The following KSR2 variants were observed in gnomAD, a reference collection of about 807,000 sequenced individuals.
KSR2 encodes the protein kinase suppressor of ras 2.
KSR2 carries 25 observed loss-of-function variants against 107.8 expected under a neutral mutation model. The ratio of observed to expected loss-of-function variants is 0.23; its 90% confidence interval spans 0.17 to 0.32. KSR2 has a LOEUF of 0.32. Ranked by LOEUF, KSR2 falls within the 10% of genes least tolerant of loss-of-function variation. The pLI, the probability that KSR2 is intolerant of heterozygous loss-of-function variation, is 1.00. For synonymous variants in KSR2, 480 were observed against 507.0 expected (o/e 0.95, Z 0.71); for missense variants, 887 against 1,268.9 (o/e 0.70, Z 4.57).
At chr12:117,476,396 T>C in intron 17 of KSR2, 68 bp downstream of exon 17, 1 of 1,480,298 alleles carries the variant, frequency 6.8e-7, no homozygotes, top group Non-Finnish European at 9.0e-7. Context: ...CCAAAAGCAC[T>C]GAAAGACTTG....
rs946287915 is a variant in KSR2 at position 117,814,942 on chromosome 12, TA to T, written c.472+40485del. On this transcript the variant is annotated intron_variant, in intron 3 of 19. Transcript: ENST00000339824. The stretch of plus-strand genomic sequence containing the variant: ...TAAGTAAAGAGTTCTTATAAATCAA[TA>T]AAAAAACAAACAATCCAGTGCCAAA... Among the ~76,000 whole-genome samples the T allele has an allele frequency of 3.3e-5, 5 of 152,038 alleles. No individual in the cohort carries two copies. The East Asian group carries it at 9.7e-4, about 29-fold the overall frequency.
intron 4 of KSR2, chr12:117,677,324 A>G (rs998206816): frequency 1.3e-5 from 2 of 152,094 alleles, no homozygotes; most frequent in African/African-American, 4.8e-5. Context: ...CTTAAATGAC[A>G]TCATAAGGGA....
At chr12:117,535,547 C>A (rs974161975) in intron 10 of KSR2, among the ~76,000 whole-genome samples, 1 of 151,856 alleles carries the variant, frequency 6.6e-6, no homozygotes, top group Non-Finnish European at 1.5e-5. Flanking sequence ...CCACCAAAGG[C>A]AGATTCCACC....
At chr12:117,840,307 A>G (rs1205946618) in intron 3 of KSR2, among the ~76,000 whole-genome samples, 2 of 152,144 alleles carry the variant, frequency 1.3e-5, no homozygotes, top group African/African-American at 4.8e-5. Flanking sequence ...CATGTTGGCC[A>G]GGCTGTTCTT....
At chr12:117,558,628 T>C (rs1877874476) in intron 7 of KSR2, 55 bp from the exon 8 acceptor site, 2 of 1,393,628 alleles carry the variant, frequency 1.4e-6, no homozygotes, top group African/African-American at 1.4e-5. Context: ...AGTGAGCGGG[T>C]AGGTGGGTGG....
At chr12:117,580,819 C>A (rs1309388679) in intron 6 of KSR2, among the ~76,000 whole-genome samples, 1 of 152,138 alleles carries the variant, frequency 6.6e-6, no homozygotes, top group Non-Finnish European at 1.5e-5. Context: ...CATGGCCAAT[C>A]CAGGGGCCGA....
At chr12:117,878,898 A>G (rs1893949257) in intron 1 of KSR2, among the ~76,000 whole-genome samples, 1 of 152,230 alleles carries the variant, frequency 6.6e-6, no homozygotes, top group Non-Finnish European at 1.5e-5. Flanking sequence ...TGGAATTAAC[A>G]AAAGTTACAT....
chr12:117,680,327 A>C (rs1445361216), intron 4 of KSR2, among the ~76,000 whole-genome samples: 1 of 152,226 alleles, frequency 6.6e-6, no homozygotes, highest in Non-Finnish European at 1.5e-5. Context: ...AAAGCAAGAT[A>C]AAATTGAATA....
At chr12:117,624,019 A>G (rs1238851952) in intron 5 of KSR2, among the ~76,000 whole-genome samples, 1 of 152,166 alleles carries the variant, frequency 6.6e-6, no homozygotes, top group Admixed American at 6.5e-5. Flanking sequence ...TTGGTTGCAT[A>G]GATGTCTTCT....
chr12:117,481,101 C>G (rs913367290), intron 16 of KSR2, among the ~76,000 whole-genome samples: 1 of 152,070 alleles, frequency 6.6e-6, no homozygotes, highest in Non-Finnish European at 1.5e-5. Context: ...GCTAAAATAT[C>G]CTTCCACATC....
chr12:117,892,803 A>C (rs1428604649), intron 1 of KSR2, among the ~76,000 whole-genome samples: 1 of 151,904 alleles, frequency 6.6e-6, no homozygotes, highest in Non-Finnish European at 1.5e-5. Context: ...AAAAAAAAAA[A>C]AAAAAAAAAT....
At chr12:117,932,973 A>G (rs1472363511) in intron 1 of KSR2, among the ~76,000 whole-genome samples, 1 of 152,178 alleles carries the variant, frequency 6.6e-6, no homozygotes, top group Non-Finnish European at 1.5e-5. Flanking sequence ...AGATAGTGCC[A>G]TCGCACTCCA....
Position 117,589,111 on chromosome 12 carries a change from T to C in KSR2, c.1172-6752A>G, listed in dbSNP as rs146320694. ...TTTCCTATAAAATTAAAGCCTTCTATCCAGCTCCATACCATGTCCCCTTCT... is the reference window on the plus strand; with the variant it reads ...TTTCCTATAAAATTAAAGCCTTCTACCCAGCTCCATACCATGTCCCCTTCT... On this transcript the variant is annotated intron_variant, in intron 5 of 19. Transcript: ENST00000339824. Among the ~76,000 whole-genome samples, 356 of 152,318 alleles carry C rather than the reference T, an allele frequency of 2.3e-3. 5 individuals carry two copies. The highest frequency in any genetic ancestry group is 8.2e-3 in the African/African-American group (342 of 41,564).
chr12:117,867,535 T>C (rs1893515957), intron 1 of KSR2, among the ~76,000 whole-genome samples: 1 of 152,218 alleles, frequency 6.6e-6, no homozygotes, highest in South Asian at 2.1e-4. Context: ...TCAATGACGC[T>C]GGCCATGTGA....
intron 3 of KSR2, among the ~76,000 whole-genome samples, chr12:117,802,969 A>T (rs1390307565): frequency 2.6e-5 from 4 of 152,230 alleles, no homozygotes; most frequent in Admixed American, 6.5e-5. Flanking sequence ...TGATAATTGC[A>T]TTCTGAAGCT....
intron 14 of KSR2, among the ~76,000 whole-genome samples, chr12:117,492,820 GAAGGACTC>G: frequency 6.6e-6 from 1 of 152,134 alleles, no homozygotes; most frequent in Non-Finnish European, 1.5e-5. Context: ...TGATGGGGGA[GAAGGACTC>G]AACCCACCAT....
chr12:117,614,741 C>T (rs575272834), intron 5 of KSR2, among the ~76,000 whole-genome samples: 12 of 152,252 alleles, frequency 7.9e-5, no homozygotes, highest in South Asian at 4.1e-4. Context: ...TTTTAATTTA[C>T]GCCTGTGAAA....
intron 4 of KSR2, among the ~76,000 whole-genome samples, chr12:117,712,383 A>C (rs763458658): frequency 5.9e-5 from 9 of 152,244 alleles, no homozygotes; most frequent in Non-Finnish European, 8.8e-5. Flanking sequence ...AGCCACAAAG[A>C]CCACACGTAG....
intron 14 of KSR2, among the ~76,000 whole-genome samples, chr12:117,511,248 C>G (rs1874007016): frequency 6.6e-6 from 1 of 152,250 alleles, no homozygotes; most frequent in Non-Finnish European, 1.5e-5. Context: ...GGCGGACACA[C>G]AGGTGCTCAA....
Sources: gnomAD v4.1 joint callset for allele counts (sites outside exome capture counted in the v4.1 genomes callset) on GRCh38, gnomAD v4.1.1 for gene constraint, MANE v1.5 for transcripts, NCBI Gene and HGNC (gene_info 2026-07-23, HGNC 2026-07-21) for gene names.